Variants in GOLGA6L2 observed in about 807,000 individuals in gnomAD.
GOLGA6L2 encodes the protein golgin A6 family like 2.
In GOLGA6L2, 30 loss-of-function variants were observed where a neutral mutation model predicts 35.9. That is an observed-to-expected ratio of 0.83 (90% CI 0.62 to 1.13). The LOEUF is 1.13. Among genes scored for constraint, GOLGA6L2 ranks in the 50% most tolerant of loss-of-function variants. The pLI is 0.00. For missense variants in GOLGA6L2, 821 were observed against 973.4 expected (o/e 0.84, Z 2.08); for synonymous variants, 297 against 344.0 (o/e 0.86, Z 1.51).
At chr15:23,443,703 G>A (rs2070724446) in intron 5 of GOLGA6L2, 74 bp downstream of exon 5, 2 of 1,162,866 alleles carry the variant, frequency 1.7e-6, no homozygotes, top group South Asian at 1.3e-5. Flanking sequence ...GCATCCTGCA[G>A]GAGGGACCTT....
At chr15:23,443,738 G>A in intron 5 of GOLGA6L2, 39 bp downstream of exon 5, 1 of 1,473,048 alleles carries the variant, frequency 6.8e-7, no homozygotes, top group Non-Finnish European at 9.2e-7. Context: ...CATCTGCGAA[G>A]CTGGGATCCC....
At position 23,441,016 on chromosome 15, in the gene GOLGA6L2, CCTT is replaced by C; in HGVS notation, c.1456_1458del (p.Lys486del). 2.8e-6 allele frequency: 4 copies of C among 1,414,462 alleles called. No individual in the cohort carries two copies. The highest frequency in any genetic ancestry group is 3.7e-6 in the Non-Finnish European group (4 of 1,076,714). The allele number at this position is 1,414,462 out of a possible 1,614,324, so 87.6% of individuals were successfully genotyped here. A position where few individuals can be genotyped will look rare whatever the true frequency, so the allele number is the denominator to read the frequency against. On this transcript the variant is annotated inframe_deletion, in exon 8 of 8. Coordinates refer to ENST00000567107, the MANE Select transcript of GOLGA6L2 (RefSeq NM_001304388.2). Reference sequence around the variant, plus strand: ...TCCGGCAGCCTCTGCTGCTGCCACTCCTTCTCTTCCTGCTCCCACATATTCTCC... The same window carrying C: ...TCCGGCAGCCTCTGCTGCTGCCACTCCTCTTCCTGCTCCCACATATTCTCC...
Position 23,441,596 on chromosome 15 carries a change from C to A in GOLGA6L2, c.879G>T (p.Glu293Asp). The A allele has an allele frequency of 6.5e-7, 1 of 1,549,450 alleles. No individual in the cohort carries two copies. The highest frequency in any genetic ancestry group is 8.7e-7 in the Non-Finnish European group (1 of 1,146,810). The change falls in exon 8 of 8, where the codon GAG (glutamate) becomes GAT (aspartate). Residue 293 changes from glutamate (E) to aspartate (D), a missense_variant. By Grantham distance (45) the Glu-to-Asp change is conservative. Around this residue, in one of 7 missense-constraint regions of GOLGA6L2, gnomAD observed 614 missense variants for 632.3 expected, o/e 0.97. Coordinates refer to ENST00000567107, the MANE Select transcript of GOLGA6L2 (RefSeq NM_001304388.2). Reference sequence around the variant, plus strand: ...GTCTCTCCTCCTGTCTCCACATCTTCTCCTCCTGCTTCCGTATCTTCTTTT... The same window carrying A: ...GTCTCTCCTCCTGTCTCCACATCTTATCCTCCTGCTTCCGTATCTTCTTTT... The part of the protein sequence containing the change: ...EQEKKIRKQE[E>D]KMWRQEERLR...
chr15:23,441,212 C>T lies in GOLGA6L2; in HGVS notation c.1263G>A (p.Glu421=), dbSNP rs760475404. 5.8e-6 allele frequency: 9 copies of T among 1,539,934 alleles called. No individual in the cohort carries two copies. In the East Asian group the frequency reaches 2.0e-4, roughly 34 times the overall value. The change falls in exon 8 of 8, where the codon GAG becomes GAA. Residue 421 remains glutamate, a synonymous_variant. Coordinates refer to ENST00000567107, the MANE Select transcript of GOLGA6L2 (RefSeq NM_001304388.2). Reference sequence around the variant, plus strand: ...TCTCCTCCCGCATCTTCTCCACCTGCTCCCACATCTTCTCCTGCTCCCGCA... The same window carrying T: ...TCTCCTCCCGCATCTTCTCCACCTGTTCCCACATCTTCTCCTGCTCCCGCA... ...ERMREQEKMW[E]QVEKMREEKK...
intron 7 of GOLGA6L2, 76 bp from the exon 8 acceptor site, chr15:23,441,758 TA>T: frequency 2.1e-6 from 3 of 1,402,748 alleles, no homozygotes; most frequent in Non-Finnish European, 2.8e-6. Context: ...TATGATTCTT[TA>T]AAAAAAATTT....
rs1440986449 is a variant in GOLGA6L2 at position 23,445,221 on chromosome 15, C to T, written c.213+89G>A. On this transcript the variant is annotated intron_variant, in intron 2 of 7. Transcript: ENST00000567107. ...AAACCCAGAATTCTTAGCCAGTACC[C>T]GGCAGTTCTTCCTTCCACAATCTTA... The T allele has an allele frequency of 4.0e-5, 9 of 227,554 alleles. 3 individuals carry two copies. Among genetic ancestry groups the T allele is most frequent in the Admixed American group, 1.6e-4 (2 of 12,290 alleles). 14.1% of individuals were successfully genotyped at this position (227,554 alleles called of 1,614,324 possible).
At chr15:23,443,589 C>A (rs2070722935) in intron 5 of GOLGA6L2, among the ~76,000 whole-genome samples, 188 bp downstream of exon 5, 1 of 152,160 alleles carries the variant, frequency 6.6e-6, no homozygotes, top group South Asian at 2.1e-4. Context: ...CCCCACAGTG[C>A]CCCCCAACTC....
chr15:23,441,511 T>C lies in GOLGA6L2; in HGVS notation c.964A>G (p.Arg322Gly), dbSNP rs1465410749. The stretch of plus-strand genomic sequence containing the variant: ...AGCTCCTTCTCCTGCTCTCGCAGCC[T>C]CTTCTCCTGTCTCCGCATCTTCTCC... ...QEEKMRRQEK[R>G]LREQEKELRE... Residue 322 changes from arginine to glycine, a missense_variant, in exon 8 of 8, where the codon AGG (arginine) becomes GGG (glycine). Transcript: ENST00000567107. The C allele has an allele frequency of 2.9e-6, 4 of 1,400,824 alleles. No homozygotes were observed. The highest frequency in any genetic ancestry group is 1.8e-4 in the Middle Eastern group (1 of 5,444). 86.8% of individuals were successfully genotyped at this position (1,400,824 alleles called of 1,614,324 possible).
Position 23,447,150 on chromosome 15 carries a change from GGGTGGGGAGGGA to G in GOLGA6L2, c.20_31del (p.Leu7_His10del). 6.3e-7 allele frequency: 1 copy of G among 1,599,848 alleles called. No individual in the cohort carries two copies. Among genetic ancestry groups the G allele is most frequent in the Non-Finnish European group, 8.5e-7 (1 of 1,171,594 alleles). ...CTGTCTGGTTTTTTCTGACATCATG[GGGTGGGGAGGGA>G]GGTGGGGTTGGGGCCACATCAGCGT... On this transcript the variant is annotated inframe_deletion, in exon 1 of 8. Coordinates refer to ENST00000567107, the MANE Select transcript of GOLGA6L2 (RefSeq NM_001304388.2).
Position 23,440,798 on chromosome 15 carries a change from C to A in GOLGA6L2, c.1677G>T (p.Val559=). The A allele has an allele frequency of 6.6e-7, 1 of 1,526,434 alleles. No homozygotes were observed. The allele number at this position is 1,526,434 out of a possible 1,614,324, so 94.6% of individuals were successfully genotyped here. A position where few individuals can be genotyped will look rare whatever the true frequency, so the allele number is the denominator to read the frequency against. ...GEAAGAGEAD[V]GAGGEDAGSG... ...ATCCCGCATCTTCTCCTCCTGCTCC[C>A]ACATCTGCTTCTCCTGCTCCTGCAG... Residue 559 remains valine (V), a synonymous_variant, in exon 8 of 8, where the codon GTG becomes GTT. Coordinates refer to ENST00000567107, the MANE Select transcript of GOLGA6L2 (RefSeq NM_001304388.2).
Position 23,439,438 on chromosome 15 carries a change from T to A in GOLGA6L2, c.*307A>T, listed in dbSNP as rs2070621366. 3 of 587,616 alleles carry A rather than the reference T, an allele frequency of 5.1e-6. No individual in the cohort carries two copies. The highest frequency in any genetic ancestry group is 2.1e-5 in the South Asian group (1 of 47,458). 36.4% of individuals were successfully genotyped at this position (587,616 alleles called of 1,614,324 possible). On this transcript the variant is annotated 3_prime_UTR_variant, in exon 8 of 8. Transcript: ENST00000567107. ...GTATTTTACCACAATTTAAAGTAAA[T>A]TTTCTTTTCTTTTTTTTTTTTTTTT...
Position 23,439,638 on chromosome 15 carries a change from T to C in GOLGA6L2, c.*107A>G. 1 of 1,536,606 alleles carries C rather than the reference T, an allele frequency of 6.5e-7. No homozygotes were observed. The highest frequency in any genetic ancestry group is 1.4e-5 in the African/African-American group (1 of 72,982). Reference sequence around the variant, plus strand: ...AATCCTGGGCACTGCTGGGCGTTCTTCATCCCACAAAACAGCTGCATGATC... The same window carrying C: ...AATCCTGGGCACTGCTGGGCGTTCTCCATCCCACAAAACAGCTGCATGATC... On this transcript the variant is annotated 3_prime_UTR_variant, in exon 8 of 8. Transcript: ENST00000567107.
intron 1 of GOLGA6L2, among the ~76,000 whole-genome samples, chr15:23,446,193 C>T (rs1440919354): frequency 2.1e-5 from 2 of 94,264 alleles, no homozygotes; most frequent in African/African-American, 6.7e-5. Flanking sequence ...AGGTGGAGAA[C>T]TTAGAGAAAA....
In GOLGA6L2 at chr15:23,439,578, C is replaced by T; in HGVS notation, c.*167G>A. Reference sequence around the variant, plus strand: ...ATGATCTTCATCTTTCTCTTGTCTCCTCGGTAGAAGAATGGGATGCAGGAG... The same window carrying T: ...ATGATCTTCATCTTTCTCTTGTCTCTTCGGTAGAAGAATGGGATGCAGGAG... On this transcript the variant is annotated 3_prime_UTR_variant, in exon 8 of 8. Transcript: ENST00000567107. 1 of 1,535,114 alleles carries T rather than the reference C, an allele frequency of 6.5e-7. No homozygotes were observed.
In GOLGA6L2 at chr15:23,443,773, T is replaced by G. The variant is rs200289516; in HGVS notation, c.591+4A>C. ...CAGGAGACTGGGGAGGTGATTGGAC[T>G]TACCCTGTCTGCCTTCTTGTGCCAT... On this transcript the variant is annotated splice_donor_region_variant and intron_variant, in intron 5 of 7. Transcript: ENST00000567107. The G allele has an allele frequency of 6.5e-7, 1 of 1,535,622 alleles. No individual in the cohort carries two copies. The highest frequency in any genetic ancestry group is 8.7e-7 in the Non-Finnish European group (1 of 1,146,204).
Position 23,441,492 on chromosome 15 carries a change from T to G in GOLGA6L2, c.983A>C (p.Lys328Thr), listed in dbSNP as rs2070690460. The change falls in exon 8 of 8, where the codon AAG (lysine) becomes ACG (threonine). Residue 328 changes from lysine (K) to threonine (T), a missense_variant. By Grantham distance (78) the Lys-to-Thr change is moderately conservative (BLOSUM62 -1). This residue lies in a region of GOLGA6L2 where 614 missense variants were observed against 632.3 expected (regional missense o/e 0.97). Transcript: ENST00000567107. Reference protein sequence around the residue: ...RQEKRLREQEKELREQEKELR... With the variant: ...RQEKRLREQETELREQEKELR... ...CTCCTTCTCCTGCTCCCGCAGCTCC[T>G]TCTCCTGCTCTCGCAGCCTCTTCTC... 1 of 1,404,488 alleles carries G rather than the reference T, an allele frequency of 7.1e-7. No homozygotes were observed. Among genetic ancestry groups the G allele is most frequent in the Admixed American group, 2.3e-5 (1 of 43,362 alleles). 87.0% of individuals were successfully genotyped at this position (1,404,488 alleles called of 1,614,324 possible).
At position 23,444,173 on chromosome 15, in the gene GOLGA6L2, G is replaced by A. The variant is rs767903099; in HGVS notation, c.283C>T (p.Arg95Trp). The A allele has an allele frequency of 3.4e-5, 55 of 1,604,230 alleles. 1 individual carries two copies. The highest frequency in any genetic ancestry group is 8.0e-5 in the African/African-American group (6 of 74,888). Reference sequence around the variant, plus strand: ...CACCCTCCACTCACCTCTATCTCCCGCCTTAGGGCTTCCTGATGTTGGTGG... The same window carrying A: ...CACCCTCCACTCACCTCTATCTCCCACCTTAGGGCTTCCTGATGTTGGTGG... Reference protein sequence around the residue: ...ASHQHQEALRREIEAQDHTIR... With the variant: ...ASHQHQEALRWEIEAQDHTIR... Residue 95 changes from arginine to tryptophan, a missense_variant, in exon 4 of 8, where the codon CGG (arginine) becomes TGG (tryptophan). This residue lies in a region of GOLGA6L2 where 614 missense variants were observed against 632.3 expected (regional missense o/e 0.97). Transcript: ENST00000567107.
intron 3 of GOLGA6L2, 52 bp from the exon 4 acceptor site, chr15:23,444,264 G>C: frequency 6.3e-7 from 1 of 1,576,838 alleles, no homozygotes; most frequent in South Asian, 1.1e-5. Context: ...GAGATCCACA[G>C]CAAGAGACAT....
intron 2 of GOLGA6L2, 73 bp from the exon 3 acceptor site, chr15:23,444,573 C>G (rs541663436): frequency 2.8e-6 from 4 of 1,410,818 alleles, no homozygotes; most frequent in African/African-American, 1.4e-5. Context: ...GGAAGCGGTA[C>G]GCAGGGGTCA....
Sources: allele counts gnomAD v4.1 joint callset (sites outside exome capture counted in the v4.1 genomes callset), GRCh38; gene constraint gnomAD v4.1.1; regional missense constraint gnomAD v4.1.1; transcripts MANE v1.5; gene names NCBI Gene and HGNC (gene_info 2026-07-23, HGNC 2026-07-21).